Variants in NIBAN2 observed in about 807,000 individuals in gnomAD.
NIBAN2 encodes the protein protein Niban 2.
In NIBAN2, 36 loss-of-function variants were observed where a neutral mutation model predicts 81.8. That is an observed-to-expected ratio of 0.44 (90% CI 0.34 to 0.58). NIBAN2 has a LOEUF of 0.58. Among genes scored for constraint, NIBAN2 ranks in the 20% least tolerant of loss-of-function variants. The pLI is 0.02. For missense variants in NIBAN2, 897 were observed against 1,014.1 expected (o/e 0.88, Z 1.57); for synonymous variants, 445 against 441.6 (o/e 1.01, Z -0.10).
At position 127,555,105 on chromosome 9, in the gene NIBAN2, CT is replaced by C. The variant is rs1564316779; in HGVS notation, c.55+13714del. Among the ~76,000 whole-genome samples the C allele has an allele frequency of 2.6e-5, 4 of 152,302 alleles. No homozygotes were observed. In the East Asian group the frequency reaches 7.7e-4, roughly 29 times the overall value. On this transcript the variant is annotated intron_variant, in intron 1 of 13. Coordinates refer to ENST00000373312, the MANE Select transcript of NIBAN2 (RefSeq NM_022833.4). Reference sequence around the variant, plus strand: ...TCAGACATACAAAACTGAATCATCACTTTTAATGGCTTCATATTATGCCATT... The same window carrying C: ...TCAGACATACAAAACTGAATCATCACTTTAATGGCTTCATATTATGCCATT...
chr9:127,555,868 G>A (rs1340376831), intron 1 of NIBAN2, among the ~76,000 whole-genome samples: 1 of 152,214 alleles, frequency 6.6e-6, no homozygotes, highest in East Asian at 1.9e-4. Context: ...GACCAGACAG[G>A]AGCTCTACAG....
intron 1 of NIBAN2, among the ~76,000 whole-genome samples, chr9:127,546,913 T>A (rs1472623034): frequency 1.3e-5 from 2 of 150,762 alleles, no homozygotes; most frequent in Non-Finnish European, 3.0e-5. Flanking sequence ...GCCTGCAGGG[T>A]CACGGAAGCC....
chr9:127,578,552 C>G (rs1300403280), intron 1 of NIBAN2, among the ~76,000 whole-genome samples: 6 of 151,644 alleles, frequency 4.0e-5, no homozygotes, highest in Non-Finnish European at 8.8e-5. Flanking sequence ...ATCCCAGCTA[C>G]TCAGGAGGCT....
upstream of NIBAN2, chr9:127,569,118 G>T (rs1588194645): frequency 2.3e-6 from 2 of 862,484 alleles, no homozygotes; most frequent in African/African-American, 4.0e-5. Flanking sequence ...GCCCCGCTCC[G>T]CCCCACCAGA....
chr9:127,551,617 A>T (rs1837578515), intron 1 of NIBAN2, among the ~76,000 whole-genome samples: 3 of 152,044 alleles, frequency 2.0e-5, no homozygotes, highest in Admixed American at 2.0e-4. Flanking sequence ...TGGGAGGCTG[A>T]GGCAGGAGAA....
At position 127,568,963 on chromosome 9, in the gene NIBAN2, G is replaced by A. The variant is rs1837907643; in HGVS notation, c.-89C>T. ...GACGCCGCTGGCGCCATGGAGCCCGGCCCGCCCTGCTTCCCCCGCTCCCGC... is the reference window on the plus strand; with the variant it reads ...GACGCCGCTGGCGCCATGGAGCCCGACCCGCCCTGCTTCCCCCGCTCCCGC... On this transcript the variant is annotated 5_prime_UTR_variant, in exon 1 of 14. Transcript: ENST00000373312. 9 of 1,152,510 alleles carry A rather than the reference G, an allele frequency of 7.8e-6. No individual in the cohort carries two copies. In the South Asian group the frequency reaches 3.0e-4, roughly 38 times the overall value. The allele number at this position is 1,152,510 out of a possible 1,614,324, so 71.4% of individuals were successfully genotyped here.
Position 127,561,110 on chromosome 9 carries a change from G to A in NIBAN2, c.55+7710C>T, listed in dbSNP as rs916661642. The A allele has an allele frequency of 5.1e-6, 5 of 985,126 alleles. No individual in the cohort carries two copies. The African/African-American group carries it at 8.7e-5, about 17-fold the overall frequency. 61.0% of individuals were successfully genotyped at this position (985,126 alleles called of 1,614,324 possible). A position where few individuals can be genotyped will look rare whatever the true frequency, so the allele number is the denominator to read the frequency against. On this transcript the variant is annotated intron_variant, in intron 1 of 13. Transcript: ENST00000373312. ...CCTTTTCCTCTGTGCACTGCCAAAT[G>A]CCAGGCACAGAGTGGATGCTGCTGC...
intron 1 of NIBAN2, among the ~76,000 whole-genome samples, chr9:127,564,173 G>T (rs909799100): frequency 2.6e-5 from 4 of 151,854 alleles, no homozygotes; most frequent in African/African-American, 9.7e-5. Context: ...GGCACCTGTA[G>T]TCCCAGCTAC....
chr9:127,565,944 TCTCACA>T (rs1837850548), intron 1 of NIBAN2, among the ~76,000 whole-genome samples: 1 of 110,370 alleles, frequency 9.1e-6, no homozygotes. Context: ...TCTCTCTCTC[TCTCACA>T]CACACACACA....
At chr9:127,511,338 G>A (rs780148109) in intron 8 of NIBAN2, among the ~76,000 whole-genome samples, 10 of 151,990 alleles carry the variant, frequency 6.6e-5, no homozygotes, top group East Asian at 1.9e-4. Flanking sequence ...GTGAGCCACC[G>A]CGCTCAGCCC....
chr9:127,528,216 A>T lies in NIBAN2; in HGVS notation c.187-894T>A, dbSNP rs906831263. Among the ~76,000 whole-genome samples the T allele has an allele frequency of 2.6e-5, 4 of 152,034 alleles. No homozygotes were observed. In the East Asian group the frequency reaches 7.7e-4, roughly 29 times the overall value. On this transcript the variant is annotated intron_variant, in intron 2 of 13. Transcript: ENST00000373312. Reference sequence around the variant, plus strand: ...CTGGGGATGGGGAAGGAGAAGGGAGATCTTTAAACTAGGGTTGGGGGCCCA... The same window carrying T: ...CTGGGGATGGGGAAGGAGAAGGGAGTTCTTTAAACTAGGGTTGGGGGCCCA...
intron 1 of NIBAN2, among the ~76,000 whole-genome samples, chr9:127,565,929 GTCTC>G (rs746193186): frequency 7.2e-6 from 1 of 138,742 alleles, no homozygotes; most frequent in Admixed American, 7.3e-5. Flanking sequence ...GGGAGACCCT[GTCTC>G]TCTCTCTCTC....
chr9:127,557,745 G>T lies in NIBAN2; in HGVS notation c.55+11075C>A, dbSNP rs1588185695. Among the ~76,000 whole-genome samples, 3 of 152,364 alleles carry T rather than the reference G, an allele frequency of 2.0e-5. No homozygotes were observed. In the East Asian group the frequency reaches 5.8e-4, roughly 29 times the overall value. Reference sequence around the variant, plus strand: ...AAAGTCACTCCTCTGCTCCAAGAGGGGCCCCTGCCTCTGGCCAGAGAGAAA... The same window carrying T: ...AAAGTCACTCCTCTGCTCCAAGAGGTGCCCCTGCCTCTGGCCAGAGAGAAA... On this transcript the variant is annotated intron_variant, in intron 1 of 13. Coordinates refer to ENST00000373312, the MANE Select transcript of NIBAN2 (RefSeq NM_022833.4).
At chr9:127,509,387 A>G (rs2244843) in intron 9 of NIBAN2, among the ~76,000 whole-genome samples, 107,801 of 151,976 alleles carry the variant, frequency 0.71, 38,748 homozygotes, top group Middle Eastern at 0.79. Flanking sequence ...GGCAGAAGGC[A>G]CTCATCCCTT....
chr9:127,550,172 C>T (rs533132358), intron 1 of NIBAN2, among the ~76,000 whole-genome samples: 1 of 152,310 alleles, frequency 6.6e-6, no homozygotes, highest in Non-Finnish European at 1.5e-5. Flanking sequence ...AAGCCCCCCA[C>T]CCTTCCTGGC....
chr9:127,516,004 G>A (rs1339914415), intron 8 of NIBAN2, among the ~76,000 whole-genome samples: 1 of 152,000 alleles, frequency 6.6e-6, no homozygotes, highest in Non-Finnish European at 1.5e-5. Flanking sequence ...TGGGCGTGGT[G>A]GCACATGCCT....
intron 1 of NIBAN2, among the ~76,000 whole-genome samples, chr9:127,542,594 C>T (rs1266215074): frequency 1.3e-5 from 2 of 152,242 alleles, no homozygotes; most frequent in African/African-American, 4.8e-5. Context: ...TGGCTGGGTC[C>T]TGGGGATGAG....
chr9:127,516,557 A>G (rs1411487925), intron 8 of NIBAN2, among the ~76,000 whole-genome samples: 1 of 152,190 alleles, frequency 6.6e-6, no homozygotes, highest in Non-Finnish European at 1.5e-5. Context: ...GGAAAGCTAT[A>G]CTTGCTGAAC....
intron 2 of NIBAN2, among the ~76,000 whole-genome samples, chr9:127,530,248 C>T (rs1244000505): frequency 6.6e-6 from 1 of 152,234 alleles, no homozygotes; most frequent in East Asian, 1.9e-4. Flanking sequence ...AAGAGGCAAC[C>T]TTTTCTGGGT....
Sources: allele counts gnomAD v4.1 joint callset (sites outside exome capture counted in the v4.1 genomes callset), GRCh38; gene constraint gnomAD v4.1.1; transcripts MANE v1.5; gene names NCBI Gene and HGNC (gene_info 2026-07-23, HGNC 2026-07-21).